Variants in CARMIL1 observed in about 807,000 individuals in gnomAD.
The protein encoded by CARMIL1 is F-actin-uncapping protein LRRC16A.
A neutral mutation model predicts 177.1 loss-of-function variants in CARMIL1; 90 were observed. The ratio of observed to expected loss-of-function variants is 0.51; its 90% confidence interval spans 0.43 to 0.61. The LOEUF is 0.61. CARMIL1 is among the 20% of genes least tolerant of loss of function. CARMIL1 has a pLI of 0.00. For synonymous variants in CARMIL1, 577 were observed against 606.2 expected (o/e 0.95, Z 0.71); for missense variants, 1,380 against 1,667.0 (o/e 0.83, Z 3.00).
chr6:25,292,627 G>T (rs1308781403), intron 2 of CARMIL1, among the ~76,000 whole-genome samples: 4 of 152,144 alleles, frequency 2.6e-5, no homozygotes, highest in Non-Finnish European at 5.9e-5. Context: ...AACTGCCCCA[G>T]TTTCTTCTGT....
At chr6:25,444,708 CT>C (rs535424048) in intron 5 of CARMIL1, among the ~76,000 whole-genome samples, 46 of 152,214 alleles carry the variant, frequency 3.0e-4, no homozygotes, top group African/African-American at 1.1e-3. Context: ...TGAATTCATC[CT>C]TTTTTATGGC....
chr6:25,459,275 T>TTTC (rs1554200922), intron 8 of CARMIL1, among the ~76,000 whole-genome samples: 1 of 141,430 alleles, frequency 7.1e-6, no homozygotes, highest in Non-Finnish European at 1.5e-5. Flanking sequence ...TCTTTTTTTT[T>TTTC]TTTTTAAGAC....
At chr6:25,367,712 C>CCA (rs1438911790) in intron 2 of CARMIL1, among the ~76,000 whole-genome samples, 1 of 152,096 alleles carries the variant, frequency 6.6e-6, no homozygotes, top group East Asian at 1.9e-4. Context: ...TCCAAACAGC[C>CCA]CACACTTGGC....
At chr6:25,384,499 C>T (rs1340269805) in intron 2 of CARMIL1, among the ~76,000 whole-genome samples, 1 of 152,246 alleles carries the variant, frequency 6.6e-6, no homozygotes, top group Non-Finnish European at 1.5e-5. Flanking sequence ...GCCTTGGACT[C>T]GTGTGTCCGT....
Position 25,465,944 on chromosome 6 carries a change from A to C in CARMIL1, c.686A>C (p.Lys229Thr), listed in dbSNP as rs1308973978. Residue 229 changes from lysine to threonine, a missense_variant, in exon 9 of 37, where the codon AAA becomes ACA. Physicochemically the swap from Lys to Thr is moderately conservative, Grantham distance 78. Transcript: ENST00000329474. The stretch of plus-strand genomic sequence containing the variant: ...ACAAAACTGTCCTCTAAGGATCTAA[A>C]ACTGGTAAGTAATCAAACATGCAGC... ...WFTKLSSKDLKLSTDVCEQIL... is the reference protein window; with the variant it reads ...WFTKLSSKDLTLSTDVCEQIL... 1 of 1,602,460 alleles carries C rather than the reference A, an allele frequency of 6.2e-7. No homozygotes were observed. Among genetic ancestry groups the C allele is most frequent in the Non-Finnish European group, 8.5e-7 (1 of 1,169,724 alleles).
intron 5 of CARMIL1, among the ~76,000 whole-genome samples, chr6:25,439,015 T>C (rs1270945781): frequency 2.0e-5 from 3 of 152,042 alleles, no homozygotes; most frequent in Admixed American, 2.0e-4. Context: ...GTAAGCTTTA[T>C]TTTGGATGCA....
chr6:25,468,829 C>T (rs1800857271), intron 9 of CARMIL1, among the ~76,000 whole-genome samples: 1 of 152,182 alleles, frequency 6.6e-6, no homozygotes, highest in Non-Finnish European at 1.5e-5. Flanking sequence ...ATTTGTATTA[C>T]AGTATTTATA....
At chr6:25,581,721 A>G (rs1333348243) in intron 31 of CARMIL1, among the ~76,000 whole-genome samples, 5 of 152,364 alleles carry the variant, frequency 3.3e-5, no homozygotes, top group South Asian at 4.1e-4. Context: ...ATCCTTAGAT[A>G]GATAAGGTTT....
chr6:25,348,247 C>T (rs1348228899), intron 2 of CARMIL1, among the ~76,000 whole-genome samples: 2 of 152,010 alleles, frequency 1.3e-5, no homozygotes, highest in Admixed American at 6.5e-5. Flanking sequence ...ATTCTCCTGC[C>T]TCAGTCTCCC....
intron 29 of CARMIL1, among the ~76,000 whole-genome samples, chr6:25,580,098 C>T (rs1243275932): frequency 1.3e-5 from 2 of 152,198 alleles, no homozygotes; most frequent in Non-Finnish European, 2.9e-5. Context: ...TGACCCTCCT[C>T]ACTGGGTTCT....
intron 2 of CARMIL1, among the ~76,000 whole-genome samples, chr6:25,369,180 T>G (rs1243641666): frequency 2.0e-5 from 3 of 152,184 alleles, no homozygotes. Flanking sequence ...TGGGTGGATC[T>G]GTCTTGGATC....
intron 2 of CARMIL1, among the ~76,000 whole-genome samples, chr6:25,328,169 T>A (rs188662629): frequency 6.6e-6 from 1 of 152,204 alleles, no homozygotes; most frequent in East Asian, 1.9e-4. Context: ...TGCCAAGCTC[T>A]TGGGGGAAGA....
intron 3 of CARMIL1, 81 bp downstream of exon 3, chr6:25,420,245 T>C: frequency 7.7e-7 from 1 of 1,297,968 alleles, no homozygotes; most frequent in African/African-American, 1.5e-5. Flanking sequence ...CATTCTTACA[T>C]GTGTGCACAC....
intron 2 of CARMIL1, among the ~76,000 whole-genome samples, chr6:25,286,562 A>G (rs1781536837): frequency 5.3e-5 from 8 of 152,200 alleles, no homozygotes; most frequent in African/African-American, 2.4e-5. Flanking sequence ...TGATTGTGCT[A>G]TTTTTTGGAA....
chr6:25,616,289 G>A (rs968087458), intron 36 of CARMIL1, among the ~76,000 whole-genome samples: 5 of 152,062 alleles, frequency 3.3e-5, no homozygotes, highest in East Asian at 1.9e-4. Flanking sequence ...AAATTCTAGC[G>A]AGGCACAGTG....
At chr6:25,490,740 AAT>A (rs1386744574) in intron 13 of CARMIL1, among the ~76,000 whole-genome samples, 2 of 125,430 alleles carry the variant, frequency 1.6e-5, no homozygotes, top group East Asian at 2.2e-4. Context: ...TAAATAAATA[AAT>A]AAATAAATAA....
At chr6:25,426,678 T>C in intron 4 of CARMIL1, 118 bp downstream of exon 4, 1 of 837,866 alleles carries the variant, frequency 1.2e-6, no homozygotes, top group Non-Finnish European at 1.8e-6. Context: ...ATTTTTGAAA[T>C]GAGAGACTCA....
chr6:25,516,567 A>G (rs17266491), intron 21 of CARMIL1, among the ~76,000 whole-genome samples: 31,927 of 152,130 alleles, frequency 0.21, 3,654 homozygotes, highest in Admixed American at 0.24. Flanking sequence ...AATTTCTTTG[A>G]AGGTCAGTAT....
At chr6:25,551,349 A>G (rs1397308105) in intron 27 of CARMIL1, among the ~76,000 whole-genome samples, 1 of 152,210 alleles carries the variant, frequency 6.6e-6, no homozygotes, top group African/African-American at 2.4e-5. Flanking sequence ...AAGAGAGGGT[A>G]CATGTTTGTA....
Sources: allele counts gnomAD v4.1 joint callset (sites outside exome capture counted in the v4.1 genomes callset), GRCh38; gene constraint gnomAD v4.1.1; transcripts MANE v1.5; gene names NCBI Gene and HGNC (gene_info 2026-07-23, HGNC 2026-07-21).